PDPN: variants seen among roughly 807,000 people sequenced by gnomAD.
The protein encoded by PDPN is PA2.26 antigen.
In PDPN, 12 loss-of-function variants were observed where a neutral mutation model predicts 23.2. The ratio of observed to expected loss-of-function variants is 0.52; its 90% confidence interval spans 0.33 to 0.84. The LOEUF (loss-of-function observed/expected upper bound fraction) is 0.84. Ranked by LOEUF, PDPN falls within the 40% of genes least tolerant of loss-of-function variation. PDPN has a pLI of 0.02. For missense variants in PDPN, 199 were observed against 212.2 expected, an observed-to-expected ratio of 0.94 and a Z score of 0.39; for synonymous variants, 77 against 76.7, an observed-to-expected ratio of 1.00 and a Z score of -0.02.
intron 2 of PDPN, among the ~76,000 whole-genome samples, chr1:13,608,189 C>T (rs1184273930): frequency 6.6e-6 from 1 of 152,150 alleles, no homozygotes; most frequent in Non-Finnish European, 1.5e-5. Context: ...AGAATCAGTC[C>T]ACAGACCACA....
At chr1:13,610,322 C>T (rs1640900156) in intron 2 of PDPN, 65 bp from the exon 3 acceptor site, 26 of 1,385,190 alleles carry the variant, frequency 1.9e-5, no homozygotes, top group Non-Finnish European at 2.5e-5. Flanking sequence ...TTTTATAAGG[C>T]AGGGGATATA....
intron 2 of PDPN, among the ~76,000 whole-genome samples, chr1:13,609,569 C>G (rs1222375725): frequency 6.6e-6 from 1 of 152,106 alleles, no homozygotes; most frequent in Non-Finnish European, 1.5e-5. Flanking sequence ...AACTCTATAC[C>G]CATGAAACAA....
At chr1:13,589,651 G>A (rs1412053754) in intron 1 of PDPN, among the ~76,000 whole-genome samples, 1 of 152,156 alleles carries the variant, frequency 6.6e-6, no homozygotes, top group Non-Finnish European at 1.5e-5. Flanking sequence ...AATGGCAGCA[G>A]TGAGACTGAA....
intron 5 of PDPN, 56 bp from the exon 6 acceptor site, chr1:13,615,849 T>C (rs1641059092): frequency 2.6e-6 from 4 of 1,523,304 alleles, no homozygotes; most frequent in Non-Finnish European, 3.6e-6. Context: ...ACTCACGGAG[T>C]TACTATTCAC....
chr1:13,596,996 C>A (rs1253013622), intron 1 of PDPN, among the ~76,000 whole-genome samples: 1 of 152,112 alleles, frequency 6.6e-6, no homozygotes, highest in Non-Finnish European at 1.5e-5. Context: ...TATTTTCAGG[C>A]TTCTGGGCTC....
intron 1 of PDPN, among the ~76,000 whole-genome samples, chr1:13,606,073 C>T (rs183898934): frequency 2.6e-5 from 4 of 151,946 alleles, no homozygotes; most frequent in Non-Finnish European, 5.9e-5. Context: ...TACTGTAACC[C>T]CTGCTTCCTG....
At chr1:13,584,227 G>C (rs1640115838) in intron 1 of PDPN, 127 bp downstream of exon 1, 2 of 1,521,910 alleles carry the variant, frequency 1.3e-6, no homozygotes, top group Admixed American at 2.0e-5. Context: ...GGGTGTGTGC[G>C]TGTCAGGCGG....
Position 13,607,243 on chromosome 1 carries a change from C to G in PDPN, c.138C>G (p.Ala46=), listed in dbSNP as rs146966218. 8.7e-6 allele frequency: 14 copies of G among 1,613,926 alleles called. 1 individual carries two copies. In the Admixed American group the frequency reaches 1.7e-4, roughly 19 times the overall value. Residue 46 remains alanine, a synonymous_variant, in exon 2 of 6, where the codon GCC becomes GCG. Transcript: ENST00000621990. ...GLEGGVAMPG[A]EDDVVTPGTS... ...AAGGCGGCGTTGCCATGCCAGGTGC[C>G]GAAGATGATGTGGTGACTCCAGGAA...
At chr1:13,599,106 G>A (rs1383580429) in intron 1 of PDPN, among the ~76,000 whole-genome samples, 1 of 150,638 alleles carries the variant, frequency 6.6e-6, no homozygotes, top group Admixed American at 6.7e-5. Context: ...CGCCTCCAGG[G>A]TTCAAGGGAT....
At chr1:13,606,900 C>G (rs762013895) in intron 1 of PDPN, among the ~76,000 whole-genome samples, 25 of 152,128 alleles carry the variant, frequency 1.6e-4, no homozygotes, top group African/African-American at 2.4e-4. Flanking sequence ...CAGGCCACCT[C>G]GATGGGGCCC....
intron 1 of PDPN, among the ~76,000 whole-genome samples, chr1:13,603,170 G>A (rs980303526): frequency 3.5e-4 from 53 of 152,266 alleles, no homozygotes; most frequent in Middle Eastern, 3.4e-3. Context: ...ATCACCTGAG[G>A]TCAGGAGTTC....
chr1:13,611,711 A>G (rs1360250331), intron 3 of PDPN, among the ~76,000 whole-genome samples: 1 of 152,178 alleles, frequency 6.6e-6, no homozygotes, highest in South Asian at 2.1e-4. Context: ...ACATTTAAAA[A>G]TGGTTAATTT....
intron 1 of PDPN, among the ~76,000 whole-genome samples, chr1:13,597,795 G>A (rs1305527709): frequency 1.3e-5 from 2 of 152,000 alleles, no homozygotes; most frequent in East Asian, 2.0e-4. Flanking sequence ...AACATAGTGA[G>A]ACCCTGTGGT....
At chr1:13,598,952 C>T (rs1640566179) in intron 1 of PDPN, among the ~76,000 whole-genome samples, 1 of 150,790 alleles carries the variant, frequency 6.6e-6, no homozygotes, top group South Asian at 2.1e-4. Context: ...GGTATATGTG[C>T]CGTGGAAGAG....
At chr1:13,597,342 C>G (rs1016229678) in intron 1 of PDPN, among the ~76,000 whole-genome samples, 6 of 152,196 alleles carry the variant, frequency 3.9e-5, no homozygotes, top group African/African-American at 1.2e-4. Flanking sequence ...AAACACTGAG[C>G]AACGTGAAAG....
chr1:13,601,977 GCCTTTGGGTGGCTC>G (rs1298065397), intron 1 of PDPN, among the ~76,000 whole-genome samples: 1,220 of 53,504 alleles, frequency 0.023, 45 homozygotes, highest in East Asian at 0.19. Flanking sequence ...GGTGGCTCAT[GCCTTTGGGTGGCTC>G]ATGCCTTTGG....
intron 1 of PDPN, among the ~76,000 whole-genome samples, chr1:13,594,911 C>T (rs1012069013): frequency 1.3e-5 from 2 of 150,474 alleles, no homozygotes; most frequent in Non-Finnish European, 2.9e-5. Flanking sequence ...GGGAGAATGG[C>T]GTGAACCTGG....
intron 1 of PDPN, among the ~76,000 whole-genome samples, chr1:13,599,118 C>T (rs1033917176): frequency 1.3e-5 from 2 of 150,542 alleles, no homozygotes; most frequent in African/African-American, 2.5e-5. Context: ...TCAAGGGATT[C>T]CCCTGCCTCT....
chr1:13,592,909 C>T (rs1007742950), intron 1 of PDPN, among the ~76,000 whole-genome samples: 4 of 152,190 alleles, frequency 2.6e-5, no homozygotes, highest in African/African-American at 9.7e-5. Context: ...ATCAATTACC[C>T]ATAAATGTAT....
Sources: allele counts gnomAD v4.1 joint callset (sites outside exome capture counted in the v4.1 genomes callset), GRCh38; gene constraint gnomAD v4.1.1; transcripts MANE v1.5; gene names NCBI Gene and HGNC (gene_info 2026-07-23, HGNC 2026-07-21).